Variants in NUP210L observed in about 807,000 individuals in gnomAD.
The protein encoded by NUP210L is nuclear pore membrane glycoprotein 210-like.
Under a neutral mutation model 208.5 loss-of-function variants are expected in NUP210L, and 74 were observed. That is an observed-to-expected ratio of 0.35 (90% confidence interval 0.29 to 0.43). The LOEUF is 0.43. Among genes scored for constraint, NUP210L ranks in the 20% least tolerant of loss-of-function variants. The pLI, the probability that NUP210L is intolerant of heterozygous loss-of-function variation, is 1.00. For synonymous variants in NUP210L, 780 were observed against 816.9 expected (o/e 0.95, Z 0.77); for missense variants, 1,843 against 2,289.4 (o/e 0.81, Z 3.98).
intron 27 of NUP210L, among the ~76,000 whole-genome samples, chr1:154,035,735 CTTTT>C (rs1652499805): frequency 6.6e-6 from 1 of 151,164 alleles, no homozygotes; most frequent in Admixed American, 6.6e-5. Context: ...TTTTTTCTTT[CTTTT>C]TTCTTTTTTG....
At chr1:154,083,302 G>A (rs964802604) in intron 16 of NUP210L, among the ~76,000 whole-genome samples, 3 of 152,106 alleles carry the variant, frequency 2.0e-5, no homozygotes, top group African/African-American at 4.8e-5. Context: ...GACACAAAGC[G>A]CTGATTGGTG....
At chr1:154,017,152 G>C (rs199559098) in intron 33 of NUP210L, among the ~76,000 whole-genome samples, 3 of 151,766 alleles carry the variant, frequency 2.0e-5, no homozygotes, top group Non-Finnish European at 4.4e-5. Context: ...GTAGTGGCAC[G>C]TGCCTGTAAT....
intron 35 of NUP210L, among the ~76,000 whole-genome samples, chr1:154,007,757 G>A (rs555213247): frequency 1.3e-5 from 2 of 150,540 alleles, no homozygotes; most frequent in African/African-American, 2.4e-5. Context: ...TATTTTTTTA[G>A]TGGAGACAGG....
At chr1:154,004,068 G>GTTTT (rs145961082) in intron 35 of NUP210L, among the ~76,000 whole-genome samples, 3 of 141,558 alleles carry the variant, frequency 2.1e-5, no homozygotes, top group Admixed American at 7.2e-5. Context: ...ATCCTTGCCT[G>GTTTT]TTTTTTGTTT....
Position 153,995,080 on chromosome 1 carries a change from G to A in NUP210L, c.5487C>T (p.Phe1829=), listed in dbSNP as rs914295602. The change falls in exon 38 of 40, where the codon TTC becomes TTT. Residue 1829 remains phenylalanine (F), a synonymous_variant. Coordinates refer to ENST00000368559, the Ensembl canonical transcript of NUP210L. ...TATTGAATATAAGGACTCTACCTAGGAAGATGGAAGCTGTTGATGCCAGCA... is the reference window on the plus strand; with the variant it reads ...TATTGAATATAAGGACTCTACCTAGAAAGATGGAAGCTGTTGATGCCAGCA... 7 of 1,603,812 alleles carry A rather than the reference G, an allele frequency of 4.4e-6. No individual in the cohort carries two copies. The African/African-American group carries it at 5.4e-5, about 12-fold the overall frequency.
intron 2 of NUP210L, among the ~76,000 whole-genome samples, chr1:154,146,629 AC>A (rs1659129241): frequency 3.8e-5 from 3 of 78,080 alleles, no homozygotes; most frequent in Middle Eastern, 6.0e-3. Context: ...TCCCCCCCCC[AC>A]CAAAAAAAGA....
At chr1:154,027,427 G>A in intron 29 of NUP210L, 79 bp downstream of exon 29, 2 of 1,005,266 alleles carry the variant, frequency 2.0e-6, no homozygotes, top group Non-Finnish European at 1.5e-6. Context: ...GAAGGCAAAA[G>A]TGTTCTTTCT....
chr1:154,037,320 CTCTT>C, intron 27 of NUP210L, among the ~76,000 whole-genome samples: 1 of 152,248 alleles, frequency 6.6e-6, no homozygotes. Context: ...GTCTGCCTCT[CTCTT>C]AAACTCTAAT....
intron 28 of NUP210L, 44 bp downstream of exon 28, chr1:154,029,852 T>C: frequency 1.3e-6 from 2 of 1,493,534 alleles, no homozygotes. Context: ...TATAACTTTC[T>C]TATCCTTAAT....
chr1:154,095,413 C>A (rs1474756946), intron 14 of NUP210L, among the ~76,000 whole-genome samples: 1 of 152,144 alleles, frequency 6.6e-6, no homozygotes, highest in Non-Finnish European at 1.5e-5. Flanking sequence ...CTTCTGCATC[C>A]TCTAAGCTCT....
chr1:154,023,373 A>G, intron 30 of NUP210L, 76 bp from the exon 31 acceptor site: 1 of 1,144,880 alleles, frequency 8.7e-7, no homozygotes, highest in African/African-American at 1.6e-5. Flanking sequence ...GAGACTTATA[A>G]TCAATGATAA....
At chr1:154,054,074 A>G (rs1571217558) in intron 25 of NUP210L, among the ~76,000 whole-genome samples, 154 bp downstream of exon 25, 1 of 152,116 alleles carries the variant, frequency 6.6e-6, no homozygotes, top group African/African-American at 2.4e-5. Context: ...TAAAGATGAC[A>G]TTTTCCATGC....
chr1:154,052,717 T>C (rs2790685), intron 25 of NUP210L, among the ~76,000 whole-genome samples: 87,364 of 152,098 alleles, frequency 0.57, 26,042 homozygotes, highest in East Asian at 0.95. Context: ...TTGAGGCATA[T>C]TGCCCTCAAA....
chr1:154,045,384 G>A (rs117043252), intron 27 of NUP210L, among the ~76,000 whole-genome samples: 1 of 152,076 alleles, frequency 6.6e-6, no homozygotes, highest in East Asian at 1.9e-4. Flanking sequence ...AATAAAAATT[G>A]TATATTTATT....
At chr1:154,148,230 G>A (rs1320869092) in intron 2 of NUP210L, among the ~76,000 whole-genome samples, 1 of 151,346 alleles carries the variant, frequency 6.6e-6, no homozygotes, top group Non-Finnish European at 1.5e-5. Flanking sequence ...TTGCACCATT[G>A]CACTCCAGCC....
chr1:154,138,360 T>A (rs1658656837), intron 5 of NUP210L, 122 bp from the exon 6 acceptor site: 1 of 815,192 alleles, frequency 1.2e-6, no homozygotes. Context: ...AAAGATTTTT[T>A]TAAAAGCTTT....
In NUP210L at chr1:154,117,645, CT is replaced by C. The variant is rs570841306; in HGVS notation, c.1620+79del. ...TATTTTTAAATAGCCATGTTGGGCT[CT>C]TTTTTTAAAGTGTGTTAATTACTTA... On this transcript the variant is annotated intron_variant, in intron 12 of 39. Transcript: ENST00000368559. The C allele has an allele frequency of 1.5e-4, 166 of 1,141,436 alleles. 4 individuals carry two copies. The South Asian group carries it at 2.5e-3, about 17-fold the overall frequency. 70.7% of individuals were successfully genotyped at this position (1,141,436 alleles called of 1,614,324 possible). A position where few individuals can be genotyped will look rare whatever the true frequency, so the allele number is the denominator to read the frequency against.
chr1:154,153,394 T>C (rs1659498628), intron 1 of NUP210L, among the ~76,000 whole-genome samples: 1 of 152,156 alleles, frequency 6.6e-6, no homozygotes, highest in Admixed American at 6.6e-5. Context: ...ACTGCAACAT[T>C]CGCCTCCAGG....
chr1:154,066,210 A>G (rs1654407581), intron 17 of NUP210L, among the ~76,000 whole-genome samples: 1 of 152,212 alleles, frequency 6.6e-6, no homozygotes, highest in Non-Finnish European at 1.5e-5. Flanking sequence ...ATCACAATTG[A>G]AAGAACTAAA....
Sources: gnomAD v4.1 joint callset for allele counts (sites outside exome capture counted in the v4.1 genomes callset) on GRCh38, gnomAD v4.1.1 for gene constraint, MANE v1.5 for transcripts, NCBI Gene and HGNC (gene_info 2026-07-23, HGNC 2026-07-21) for gene names.